Variants in SUPT16H observed in about 807,000 individuals in gnomAD.
SUPT16H encodes SPT16 homolog, facilitates chromatin remodeling subunit, also known as FACT complex subunit SPT16.
Under a neutral mutation model 136.2 loss-of-function variants are expected in SUPT16H, and 24 were observed. That is an observed-to-expected ratio of 0.18 (90% CI 0.13 to 0.25). SUPT16H has a LOEUF of 0.25. SUPT16H is among the 10% of genes least tolerant of loss of function. The pLI is 1.00. For missense variants in SUPT16H, 623 were observed against 1,270.2 expected (o/e 0.49, Z 7.74); for synonymous variants, 415 against 428.2 (o/e 0.97, Z 0.38).
rs1307205423 is a variant in SUPT16H, at chr14:21,363,088, T to C, written c.1457A>G (p.Asn486Ser). 1.9e-6 allele frequency: 3 copies of C among 1,613,860 alleles called. No homozygotes were observed. Among genetic ancestry groups the C allele is most frequent in the African/African-American group, 1.3e-5 (1 of 74,950 alleles). Residue 486 changes from asparagine to serine, a missense_variant, in exon 13 of 26, where the codon AAT becomes AGT. Asn to Ser is a conservative substitution (Grantham distance 46). Coordinates refer to ENST00000216297, the MANE Select transcript of SUPT16H (RefSeq NM_007192.4). ...AHQKELAAQL[N>S]EEAKRRLTEQ... ...AGTCAATCGCCTCTTTGCTTCTTCA[T>C]TGAGTTGAGCCGCTAGTTCTTTCTG...
Position 21,362,096 on chromosome 14 carries a change from CA to C in SUPT16H, c.1793+100del, listed in dbSNP as rs1886569202. ...CAAGTACCAATGAGGAAGGCTTTGA[CA>C]TTTACTAGGTAGGGAAAATGTAGCA... On this transcript the variant is annotated intron_variant, in intron 15 of 25. Transcript: ENST00000216297. 10 of 1,419,282 alleles carry C rather than the reference CA, an allele frequency of 7.0e-6. No individual in the cohort carries two copies. The South Asian group carries it at 1.0e-4, about 15-fold the overall frequency. 87.9% of individuals were successfully genotyped at this position (1,419,282 alleles called of 1,614,324 possible). A position where few individuals can be genotyped will look rare whatever the true frequency, so the allele number is the denominator to read the frequency against.
At chr14:21,361,397 ACCTTCGCCT>A (rs1156991157) in intron 15 of SUPT16H, 184 bp from the exon 16 acceptor site, 221 of 678,954 alleles carry the variant, frequency 3.3e-4, no homozygotes, top group Non-Finnish European at 4.9e-4. Context: ...GCTCACTGCA[ACCTTCGCCT>A]CCTGGGTTCA....
At chr14:21,371,123 C>T (rs1362078414) in intron 3 of SUPT16H, among the ~76,000 whole-genome samples, 3 of 152,066 alleles carry the variant, frequency 2.0e-5, no homozygotes, top group Non-Finnish European at 4.4e-5. Flanking sequence ...GTGCTCGCCT[C>T]GGCCTCTCAA....
chr14:21,357,560 C>A (rs1250463927), intron 21 of SUPT16H, among the ~76,000 whole-genome samples, 194 bp from the exon 22 acceptor site: 4 of 151,402 alleles, frequency 2.6e-5, no homozygotes, highest in Admixed American at 6.6e-5. Flanking sequence ...CAAAAATCAT[C>A]CCTCAAGGAG....
intron 1 of SUPT16H, among the ~76,000 whole-genome samples, chr14:21,373,964 G>T (rs1294073173): frequency 6.6e-6 from 1 of 152,142 alleles, no homozygotes; most frequent in Non-Finnish European, 1.5e-5. Flanking sequence ...CTAACTTCAG[G>T]TGATCCACCT....
intron 1 of SUPT16H, among the ~76,000 whole-genome samples, chr14:21,381,048 T>C (rs893303717): frequency 3.9e-5 from 6 of 151,978 alleles, no homozygotes; most frequent in African/African-American, 1.5e-4. Context: ...CTTTCTGCTC[T>C]TAGCAGCTCT....
At chr14:21,372,129 CA>C in intron 2 of SUPT16H, 85 bp from the exon 3 acceptor site, 2 of 1,395,936 alleles carry the variant, frequency 1.4e-6, no homozygotes, top group Non-Finnish European at 1.9e-6. Context: ...TACTTATAGA[CA>C]AAAATAACAT....
intron 22 of SUPT16H, among the ~76,000 whole-genome samples, chr14:21,356,311 C>A (rs1293316253): frequency 6.6e-6 from 1 of 152,224 alleles, no homozygotes; most frequent in African/African-American, 2.4e-5. Context: ...AACTCCCAAT[C>A]TCACACAGAA....
At chr14:21,380,365 G>A (rs1263828757) in intron 1 of SUPT16H, among the ~76,000 whole-genome samples, 1 of 139,198 alleles carries the variant, frequency 7.2e-6, no homozygotes, top group African/African-American at 2.7e-5. Flanking sequence ...TGAACTCCTG[G>A]ACTCAAGCAA....
intron 22 of SUPT16H, among the ~76,000 whole-genome samples, chr14:21,355,383 C>T (rs946403189): frequency 6.6e-6 from 1 of 151,952 alleles, no homozygotes; most frequent in Non-Finnish European, 1.5e-5. Context: ...GTCCCAGCTA[C>T]TTGGGAGGCT....
At chr14:21,377,386 G>A (rs1886926006) in intron 1 of SUPT16H, among the ~76,000 whole-genome samples, 1 of 152,298 alleles carries the variant, frequency 6.6e-6, no homozygotes, top group South Asian at 2.1e-4. Context: ...AAGTAACACT[G>A]AAGTCTTTGA....
intron 1 of SUPT16H, among the ~76,000 whole-genome samples, chr14:21,375,968 T>C (rs1426504172): frequency 6.6e-6 from 1 of 152,260 alleles, no homozygotes; most frequent in Non-Finnish European, 1.5e-5. Flanking sequence ...ATTTACTTTA[T>C]ACTTCTTCTA....
chr14:21,373,257 T>A, intron 2 of SUPT16H, 81 bp downstream of exon 2: 1 of 1,178,834 alleles, frequency 8.5e-7, no homozygotes, highest in Admixed American at 1.7e-5. Flanking sequence ...GGAATTTAAG[T>A]TTTAATGTGG....
rs149526110 is a variant in SUPT16H at position 21,366,199 on chromosome 14, A to G, written c.1046+240T>C. ...ATAATATTTCCTAACATCTGTAATT[A>G]TATCCTGGAAAACCTATGGGCTGGA... On this transcript the variant is annotated intron_variant, in intron 8 of 25. Coordinates refer to ENST00000216297, the MANE Select transcript of SUPT16H (RefSeq NM_007192.4). 1.8e-3 allele frequency among the ~76,000 whole-genome samples: 268 copies of G among 152,346 alleles called. 2 individuals are homozygous for G. Among genetic ancestry groups the G allele is most frequent in the Middle Eastern group, 0.01 (3 of 294 alleles).
rs200376157 is a variant in SUPT16H at position 21,379,122 on chromosome 14, A to AT, written c.66+4739dup. On this transcript the variant is annotated intron_variant, in intron 1 of 25. Transcript: ENST00000216297. ...CCAGGCACTGTAGTTGTTAATAGGG[A>AT]TAAAAAGTAAATATAAAAAGTAGAG... Among the ~76,000 whole-genome samples, 52 of 152,320 alleles carry AT rather than the reference A, an allele frequency of 3.4e-4. No homozygotes were observed. The East Asian group carries it at 8.7e-3, about 25-fold the overall frequency.
At chr14:21,382,556 TCA>T (rs1174134001) in intron 1 of SUPT16H, among the ~76,000 whole-genome samples, 2 of 152,224 alleles carry the variant, frequency 1.3e-5, no homozygotes, top group African/African-American at 2.4e-5. Flanking sequence ...TACCAAAGGT[TCA>T]CAGTTTCAGG....
chr14:21,367,883 A>G (rs1594304897), intron 7 of SUPT16H, among the ~76,000 whole-genome samples: 1 of 152,232 alleles, frequency 6.6e-6, no homozygotes, highest in South Asian at 2.1e-4. Flanking sequence ...AGACATAAAC[A>G]TAACACTAAT....
chr14:21,355,523 A>T (rs1338599609), intron 22 of SUPT16H, among the ~76,000 whole-genome samples: 10 of 149,208 alleles, frequency 6.7e-5, no homozygotes, highest in African/African-American at 1.2e-4. Context: ...TAAAAAAAAA[A>T]AAAAAAAAAA....
intron 22 of SUPT16H, 35 bp downstream of exon 22, chr14:21,357,162 G>A: frequency 6.6e-7 from 1 of 1,507,962 alleles, no homozygotes; most frequent in Non-Finnish European, 8.9e-7. Context: ...CAGGGCTCAT[G>A]GGCTAAATGG....
Sources: gnomAD v4.1 joint callset for allele counts (sites outside exome capture counted in the v4.1 genomes callset) on GRCh38, gnomAD v4.1.1 for gene constraint, MANE v1.5 for transcripts, NCBI Gene and HGNC (gene_info 2026-07-23, HGNC 2026-07-21) for gene names.